BMPR1B: variants seen among roughly 807,000 people sequenced by gnomAD.
The protein encoded by BMPR1B is bone morphogenetic protein receptor type 1B.
In BMPR1B, 12 loss-of-function variants were observed where a neutral mutation model predicts 59.1. The ratio of observed to expected loss-of-function variants is 0.20; its 90% confidence interval spans 0.13 to 0.33. BMPR1B has a LOEUF of 0.33. Ranked by LOEUF, BMPR1B falls within the 10% of genes least tolerant of loss-of-function variation. The probability of loss-of-function intolerance (pLI) is 1.00; values close to 1 mark genes in which losing one functional copy is unlikely to be tolerated. For synonymous variants in BMPR1B, 237 were observed against 207.3 expected (o/e 1.14, Z -1.23); for missense variants, 550 against 610.9 (o/e 0.90, Z 1.05).
chr4:94,780,636 T>C (rs1722551509), intron 1 of BMPR1B, among the ~76,000 whole-genome samples: 1 of 151,912 alleles, frequency 6.6e-6, no homozygotes, highest in South Asian at 2.1e-4. Context: ...CATCCTAGTA[T>C]ATGAGGTGTC....
chr4:94,909,409 TGTGGGTATGTGGCC>T (rs1045532766), intron 2 of BMPR1B, among the ~76,000 whole-genome samples: 28 of 151,874 alleles, frequency 1.8e-4, no homozygotes, highest in African/African-American at 6.3e-4. Context: ...CTCTGCTGCT[TGTGGGTATGTGGCC>T]GTGGGTAAGG....
At chr4:94,905,333 A>AT (rs1188859381) in intron 2 of BMPR1B, among the ~76,000 whole-genome samples, 6 of 152,050 alleles carry the variant, frequency 3.9e-5, no homozygotes, top group African/African-American at 1.4e-4. Flanking sequence ...CCTTATTGCC[A>AT]TTTGGTATTG....
rs150471976 is a variant in BMPR1B at position 94,844,223 on chromosome 4, T to TTGTGTGTGTGTG, written c.-182-31585_-182-31574dup. On this transcript the variant is annotated intron_variant, in intron 1 of 12. Transcript: ENST00000515059. Reference sequence around the variant, plus strand: ...GTAGCCATTCTATTCTGAATCATCTTTGTGTGTGTGTGTGTGTGTGTGTGT... The same window carrying TTGTGTGTGTGTG: ...GTAGCCATTCTATTCTGAATCATCTTTGTGTGTGTGTGTGTGTGTGTGTGTGTGTGTGTGTGT... Among the ~76,000 whole-genome samples the TTGTGTGTGTGTG allele has an allele frequency of 1.8e-3, 259 of 146,658 alleles. 1 individual carries two copies. The East Asian group carries it at 0.021, about 12-fold the overall frequency.
intron 2 of BMPR1B, among the ~76,000 whole-genome samples, chr4:94,886,878 A>G (rs1447779070): frequency 2.6e-5 from 4 of 152,292 alleles, no homozygotes; most frequent in Middle Eastern, 3.4e-3. Flanking sequence ...AGACCACTGT[A>G]TAGGTCAGAT....
At chr4:94,988,998 G>A (rs1198433379) in intron 2 of BMPR1B, among the ~76,000 whole-genome samples, 4 of 152,002 alleles carry the variant, frequency 2.6e-5, no homozygotes, top group African/African-American at 9.7e-5. Flanking sequence ...GACTAGCTTG[G>A]ATTATTAATA....
At chr4:94,765,816 C>T (rs1008323945) in intron 1 of BMPR1B, among the ~76,000 whole-genome samples, 31 of 152,176 alleles carry the variant, frequency 2.0e-4, no homozygotes, top group African/African-American at 7.0e-4. Flanking sequence ...ACAGTGGTTT[C>T]GTGGAATGTT....
At chr4:95,151,900 A>G (rs981558819) in intron 11 of BMPR1B, among the ~76,000 whole-genome samples, 4 of 152,200 alleles carry the variant, frequency 2.6e-5, no homozygotes, top group Non-Finnish European at 5.9e-5. Context: ...AGAAGCCTGC[A>G]TTTTTAAAGG....
chr4:94,913,377 G>A (rs942415505), intron 2 of BMPR1B, among the ~76,000 whole-genome samples: 2 of 152,158 alleles, frequency 1.3e-5, no homozygotes, highest in African/African-American at 2.4e-5. Context: ...ACCACTGATA[G>A]TTTTTTGATT....
At chr4:95,087,986 T>G (rs1044984491) in intron 3 of BMPR1B, among the ~76,000 whole-genome samples, 1 of 152,188 alleles carries the variant, frequency 6.6e-6, no homozygotes, top group African/African-American at 2.4e-5. Flanking sequence ...TAAGCCGATC[T>G]TATGAAATTT....
intron 2 of BMPR1B, among the ~76,000 whole-genome samples, chr4:94,937,687 A>T (rs1409301961): frequency 1.4e-5 from 2 of 142,244 alleles, no homozygotes; most frequent in Non-Finnish European, 3.0e-5. Flanking sequence ...TTTGTTTTTT[A>T]AATTTTATGT....
At chr4:95,016,934 T>C (rs1312855629) in intron 3 of BMPR1B, among the ~76,000 whole-genome samples, 3 of 152,320 alleles carry the variant, frequency 2.0e-5, no homozygotes, top group African/African-American at 4.8e-5. Flanking sequence ...TGATTTATTA[T>C]AGGGAGACAC....
chr4:95,049,839 G>T (rs1726341129), intron 3 of BMPR1B, among the ~76,000 whole-genome samples: 1 of 151,754 alleles, frequency 6.6e-6, no homozygotes, highest in African/African-American at 2.4e-5. Context: ...TTATTCTGTG[G>T]TGTTATAACC....
intron 3 of BMPR1B, among the ~76,000 whole-genome samples, chr4:95,103,886 A>G (rs1484298078): frequency 6.6e-6 from 1 of 152,112 alleles, no homozygotes; most frequent in African/African-American, 2.4e-5. Context: ...TATTTCTCAT[A>G]ATTTCTTTAA....
intron 2 of BMPR1B, among the ~76,000 whole-genome samples, chr4:94,985,282 A>G (rs1560580410): frequency 6.6e-6 from 1 of 152,290 alleles, no homozygotes; most frequent in East Asian, 1.9e-4. Flanking sequence ...CTAGATTGTG[A>G]TCATTTCAGT....
intron 3 of BMPR1B, among the ~76,000 whole-genome samples, chr4:95,080,839 C>G (rs1055012518): frequency 6.6e-6 from 1 of 152,098 alleles, no homozygotes; most frequent in East Asian, 1.9e-4. Flanking sequence ...TTTATTAAAT[C>G]TCAACCTCTC....
intron 1 of BMPR1B, among the ~76,000 whole-genome samples, chr4:94,874,763 G>A (rs1726648915): frequency 6.6e-6 from 1 of 152,074 alleles, no homozygotes; most frequent in African/African-American, 2.4e-5. Context: ...AGGCCGAGGC[G>A]GGTAGATCAC....
intron 2 of BMPR1B, among the ~76,000 whole-genome samples, chr4:94,891,851 T>G (rs1727408135): frequency 6.6e-6 from 1 of 152,102 alleles, no homozygotes; most frequent in Non-Finnish European, 1.5e-5. Context: ...TATTCATTCA[T>G]TCAGCATTTA....
intron 6 of BMPR1B, among the ~76,000 whole-genome samples, chr4:95,116,069 G>C (rs547905022): frequency 5.9e-5 from 9 of 152,232 alleles, no homozygotes; most frequent in Admixed American, 2.0e-4. Context: ...GGAGGCAGGA[G>C]CTAGCACTCT....
intron 6 of BMPR1B, among the ~76,000 whole-genome samples, chr4:95,120,900 C>G (rs938116853): frequency 1.3e-5 from 2 of 151,972 alleles, no homozygotes; most frequent in Non-Finnish European, 2.9e-5. Context: ...CCTCCACCTC[C>G]CGGGTTCAAG....
Sources: allele counts gnomAD v4.1 joint callset (sites outside exome capture counted in the v4.1 genomes callset), GRCh38; gene constraint gnomAD v4.1.1; transcripts MANE v1.5; gene names NCBI Gene and HGNC (gene_info 2026-07-23, HGNC 2026-07-21).